Variants in SMARCAD1 observed in about 807,000 individuals in gnomAD.
SMARCAD1 encodes the protein SWI/SNF-related matrix-associated actin-dependent regulator of chromatin subfamily A containing DEAD/H box 1.
In SMARCAD1, 25 loss-of-function variants were observed where a neutral mutation model predicts 127.1. That is an observed-to-expected ratio of 0.20 (90% CI 0.14 to 0.27). SMARCAD1 has a LOEUF of 0.27. Among genes scored for constraint, SMARCAD1 ranks in the 10% least tolerant of loss-of-function variants. SMARCAD1 has a pLI of 1.00. For missense variants in SMARCAD1, 807 were observed against 1,206.0 expected, an observed-to-expected ratio of 0.67 and a Z score of 4.90; for synonymous variants, 400 against 396.9, an observed-to-expected ratio of 1.01 and a Z score of -0.09.
intron 9 of SMARCAD1, chr4:94,253,215 GA>G (rs1443051075): frequency 2.0e-6 from 3 of 1,511,188 alleles, no homozygotes; most frequent in Non-Finnish European, 2.7e-6. Flanking sequence ...TGATTTTCCT[GA>G]AAAAACCCAA....
intron 2 of SMARCAD1, among the ~76,000 whole-genome samples, chr4:94,223,640 C>T (rs150182435): frequency 6.6e-6 from 1 of 151,240 alleles, no homozygotes; most frequent in Non-Finnish European, 1.5e-5. Flanking sequence ...ACGATCCTGG[C>T]TCACTGCAGT....
chr4:94,232,159 G>A (rs1389985738), intron 3 of SMARCAD1, among the ~76,000 whole-genome samples: 3 of 152,176 alleles, frequency 2.0e-5, no homozygotes, highest in South Asian at 2.1e-4. Context: ...CACTGCACCC[G>A]GCTGGTTTTT....
At chr4:94,222,052 C>T (rs1744226946) in intron 2 of SMARCAD1, among the ~76,000 whole-genome samples, 1 of 152,118 alleles carries the variant, frequency 6.6e-6, no homozygotes, top group African/African-American at 2.4e-5. Flanking sequence ...GTGCAACCCT[C>T]AATTCTCAGT....
intron 9 of SMARCAD1, among the ~76,000 whole-genome samples, chr4:94,257,459 A>C (rs1052280191): frequency 1.3e-5 from 2 of 152,020 alleles, no homozygotes; most frequent in African/African-American, 4.8e-5. Context: ...GTATTTCTTA[A>C]ATCTTTTTTG....
At chr4:94,219,695 A>G (rs1743787881) in intron 2 of SMARCAD1, among the ~76,000 whole-genome samples, 1 of 152,212 alleles carries the variant, frequency 6.6e-6, no homozygotes, top group African/African-American at 2.4e-5. Flanking sequence ...TCTTTAAAAC[A>G]AGTTAGCTTT....
chr4:94,235,772 C>G (rs909565540), intron 4 of SMARCAD1, among the ~76,000 whole-genome samples: 10 of 151,082 alleles, frequency 6.6e-5, no homozygotes, highest in Admixed American at 6.6e-5. Flanking sequence ...AGGGCCAAAT[C>G]TCAGTTTAAA....
chr4:94,271,465 A>T (rs1752527443), intron 11 of SMARCAD1, among the ~76,000 whole-genome samples: 1 of 152,292 alleles, frequency 6.6e-6, no homozygotes, highest in Middle Eastern at 3.4e-3. Flanking sequence ...TGAAGTGTAT[A>T]TTTAAAATGA....
intron 1 of SMARCAD1, 59 bp from the exon 2 acceptor site, chr4:94,208,287 G>T (rs763236343): frequency 8.6e-7 from 1 of 1,165,552 alleles, no homozygotes; most frequent in South Asian, 1.2e-5. Flanking sequence ...AACTGCTGTG[G>T]CATTGTATCG....
chr4:94,261,610 TAA>T (rs767720241), intron 9 of SMARCAD1, among the ~76,000 whole-genome samples: 50 of 152,296 alleles, frequency 3.3e-4, no homozygotes, highest in Non-Finnish European at 5.7e-4. Context: ...GGTGAAAGAT[TAA>T]GTTTGTTTGT....
chr4:94,259,863 A>G (rs1486478646), intron 9 of SMARCAD1, among the ~76,000 whole-genome samples: 10 of 152,218 alleles, frequency 6.6e-5, no homozygotes, highest in Admixed American at 4.6e-4. Flanking sequence ...AAAATCATCA[A>G]TAATGTCTTA....
At chr4:94,251,844 A>T (rs887638278) in intron 8 of SMARCAD1, among the ~76,000 whole-genome samples, 1 of 151,824 alleles carries the variant, frequency 6.6e-6, no homozygotes, top group African/African-American at 2.4e-5. Flanking sequence ...GTATTTGAAT[A>T]ATTTTTTTTA....
At chr4:94,260,041 C>T (rs974889068) in intron 9 of SMARCAD1, among the ~76,000 whole-genome samples, 3 of 151,978 alleles carry the variant, frequency 2.0e-5, no homozygotes, top group Non-Finnish European at 4.4e-5. Flanking sequence ...TCTCTCTCTC[C>T]CCCTTCTGTT....
At chr4:94,260,717 A>G (rs916849358) in intron 9 of SMARCAD1, among the ~76,000 whole-genome samples, 3 of 152,136 alleles carry the variant, frequency 2.0e-5, no homozygotes, top group African/African-American at 7.2e-5. Flanking sequence ...ACCACTCTAA[A>G]TGTTGCCGTT....
intron 21 of SMARCAD1, among the ~76,000 whole-genome samples, chr4:94,282,164 A>G (rs1579357489): frequency 1.8e-5 from 1 of 56,908 alleles, no homozygotes; most frequent in Non-Finnish European, 3.4e-5. Context: ...CAGTGGCGCG[A>G]TCTCGGCTCA....
intron 2 of SMARCAD1, among the ~76,000 whole-genome samples, chr4:94,217,566 A>G (rs1743394715): frequency 1.3e-5 from 2 of 152,112 alleles, no homozygotes; most frequent in African/African-American, 2.4e-5. Context: ...GTTAACATTT[A>G]CTTCTAATTT....
chr4:94,277,607 A>G (rs982031707), intron 16 of SMARCAD1, among the ~76,000 whole-genome samples: 5 of 152,222 alleles, frequency 3.3e-5, no homozygotes, highest in African/African-American at 1.2e-4. Context: ...AGTCACAACT[A>G]AAAGCGACAG....
At chr4:94,217,660 T>C (rs936252863) in intron 2 of SMARCAD1, among the ~76,000 whole-genome samples, 1 of 152,218 alleles carries the variant, frequency 6.6e-6, no homozygotes, top group Non-Finnish European at 1.5e-5. Context: ...GGCCTAATAT[T>C]TAATTTCTGT....
chr4:94,248,349 G>T, intron 6 of SMARCAD1: 1 of 382,396 alleles, frequency 2.6e-6, no homozygotes, highest in South Asian at 1.9e-5. Flanking sequence ...ATTAACAAAT[G>T]AACAACTGAA....
At chr4:94,256,185 A>G (rs995188921) in intron 9 of SMARCAD1, among the ~76,000 whole-genome samples, 1 of 152,178 alleles carries the variant, frequency 6.6e-6, no homozygotes. Context: ...TGCGACATGC[A>G]TCAGTAACTC....
Sources: allele counts gnomAD v4.1 joint callset (sites outside exome capture counted in the v4.1 genomes callset), GRCh38; gene constraint gnomAD v4.1.1; transcripts MANE v1.5; gene names NCBI Gene and HGNC (gene_info 2026-07-23, HGNC 2026-07-21).